Variants in WDR25 observed in about 807,000 individuals in gnomAD.
WDR25 encodes the protein WD repeat-containing protein 25.
A neutral mutation model predicts 47.7 loss-of-function variants in WDR25; 35 were observed. That is an observed-to-expected ratio of 0.73 (90% CI 0.56 to 0.97). The LOEUF (loss-of-function observed/expected upper bound fraction) is 0.97. Ranked by LOEUF, WDR25 falls within the 50% of genes least tolerant of loss-of-function variation. The pLI, the probability that WDR25 is intolerant of heterozygous loss-of-function variation, is 0.00. For missense variants in WDR25, 634 were observed against 704.7 expected (o/e 0.90, Z 1.14); for synonymous variants, 248 against 278.9 (o/e 0.89, Z 1.10).
At chr14:100,527,027 C>A (rs2030203600) in intron 5 of WDR25, among the ~76,000 whole-genome samples, 1 of 26,808 alleles carries the variant, frequency 3.7e-5, no homozygotes, top group South Asian at 1.8e-3. Context: ...TATTGCTGCA[C>A]CACCACCATC....
At chr14:100,520,249 ATAT>A (rs771657470) in intron 4 of WDR25, among the ~76,000 whole-genome samples, 99 of 152,020 alleles carry the variant, frequency 6.5e-4, no homozygotes, top group African/African-American at 1.9e-3. Context: ...GAGACAAAAT[ATAT>A]TATTGTTTAT....
At chr14:100,472,642 G>T (rs1899881411) in intron 3 of WDR25, among the ~76,000 whole-genome samples, 1 of 152,234 alleles carries the variant, frequency 6.6e-6, no homozygotes, top group South Asian at 2.1e-4. Context: ...GGCCCCTGCT[G>T]GTCCCCTCAG....
At chr14:100,426,552 T>G (rs1898174326) in intron 2 of WDR25, among the ~76,000 whole-genome samples, 1 of 152,248 alleles carries the variant, frequency 6.6e-6, no homozygotes, top group South Asian at 2.1e-4. Flanking sequence ...TCAAGTGTTC[T>G]CCGCGTATTT....
chr14:100,479,263 C>T (rs940127406), intron 3 of WDR25, among the ~76,000 whole-genome samples: 3 of 152,140 alleles, frequency 2.0e-5, no homozygotes, highest in African/African-American at 7.2e-5. Flanking sequence ...GGGGACAGCC[C>T]TCTGCCTGTG....
intron 3 of WDR25, among the ~76,000 whole-genome samples, chr14:100,469,387 C>T (rs946543575): frequency 6.6e-6 from 1 of 152,160 alleles, no homozygotes; most frequent in Non-Finnish European, 1.5e-5. Context: ...AGGCTTTGCA[C>T]ACAGCATGTC....
intron 2 of WDR25, among the ~76,000 whole-genome samples, chr14:100,462,954 C>T (rs1407333605): frequency 1.9e-4 from 3 of 15,444 alleles, no homozygotes; most frequent in Non-Finnish European, 2.8e-4. Flanking sequence ...TTCTCTCCCC[C>T]TTCCTCTCCC....
rs73347378 is a variant in WDR25 at position 100,427,298 on chromosome 14, A to T, written c.823-40723A>T. On this transcript the variant is annotated intron_variant, in intron 2 of 6. Transcript: ENST00000402312. ...CATGCCCCCCAGCTGCATTAGATGC[A>T]TCCACCAGTGTGCTCCCACTGCCTC... Among the ~76,000 whole-genome samples, 1,084 of 152,242 alleles carry T rather than the reference A, an allele frequency of 7.1e-3. 19 individuals are homozygous for T. The highest frequency in any genetic ancestry group is 0.025 in the African/African-American group (1,030 of 41,518).
At chr14:100,452,454 G>GTTA (rs1209923993) in intron 2 of WDR25, among the ~76,000 whole-genome samples, 1 of 152,244 alleles carries the variant, frequency 6.6e-6, no homozygotes, top group Non-Finnish European at 1.5e-5. Context: ...AGATGAAGGG[G>GTTA]AGTGATGAGA....
At chr14:100,504,915 A>G (rs1418339488) in intron 4 of WDR25, among the ~76,000 whole-genome samples, 1 of 151,960 alleles carries the variant, frequency 6.6e-6, no homozygotes, top group Non-Finnish European at 1.5e-5. Flanking sequence ...CATTTTAGTT[A>G]TTTTAGTGGG....
At chr14:100,494,451 A>C (rs186804258) in intron 4 of WDR25, among the ~76,000 whole-genome samples, 2 of 152,308 alleles carry the variant, frequency 1.3e-5, no homozygotes, top group African/African-American at 4.8e-5. Context: ...CTTGCTCTTC[A>C]AGCTATGTTT....
In WDR25 at chr14:100,488,281, C is replaced by T. The variant is rs951524800; in HGVS notation, c.1101+4157C>T. On this transcript the variant is annotated intron_variant, in intron 4 of 6. Coordinates refer to ENST00000402312, the MANE Select transcript of WDR25 (RefSeq NM_001161476.3). This position sits in a 1 kb window ranked among gnomAD's most constrained non-coding sequence, Gnocchi z 4.2. The stretch of plus-strand genomic sequence containing the variant: ...TGGCTTCCTGCCGCTGCTGCAGCAT[C>T]CTCTGACCCCTCTTCCTCCCAGCAG... 6.6e-6 allele frequency among the ~76,000 whole-genome samples: 1 copy of T among 152,122 alleles called. No homozygotes were observed. The highest frequency in any genetic ancestry group is 2.4e-5 in the African/African-American group (1 of 41,434).
rs1898299868 is a variant in WDR25 at position 100,430,512 on chromosome 14, G to T, written c.823-37509G>T. On this transcript the variant is annotated intron_variant, in intron 2 of 6. Coordinates refer to ENST00000402312, the MANE Select transcript of WDR25 (RefSeq NM_001161476.3). This position sits in a 1 kb window ranked among gnomAD's most constrained non-coding sequence, Gnocchi z 4.7. ...GTCAGATGGCGCCTGGCACAAAGTAGGTGCTCACTCATTGGGTGTTGGATT... is the reference window on the plus strand; with the variant it reads ...GTCAGATGGCGCCTGGCACAAAGTATGTGCTCACTCATTGGGTGTTGGATT... Among the ~76,000 whole-genome samples, 1 of 152,186 alleles carries T rather than the reference G, an allele frequency of 6.6e-6. No homozygotes were observed. Among genetic ancestry groups the T allele is most frequent in the Non-Finnish European group, 1.5e-5 (1 of 68,030 alleles).
At position 100,425,103 on chromosome 14, in the gene WDR25, C is replaced by T. The variant is rs890517045; in HGVS notation, c.823-42918C>T. Among the ~76,000 whole-genome samples the T allele has an allele frequency of 6.6e-6, 1 of 152,244 alleles. No individual in the cohort carries two copies. Among genetic ancestry groups the T allele is most frequent in the Non-Finnish European group, 1.5e-5 (1 of 68,046 alleles). ...CTCCCCTGCCTCCCCTTCATGCCCC[C>T]AGGCAGCCAGGATTTTTCTAAAAAC... On this transcript the variant is annotated intron_variant, in intron 2 of 6. Transcript: ENST00000402312. This position sits in a 1 kb window ranked among gnomAD's most constrained non-coding sequence, Gnocchi z 4.8.
At chr14:100,460,940 G>A (rs937535112) in intron 2 of WDR25, among the ~76,000 whole-genome samples, 3 of 152,224 alleles carry the variant, frequency 2.0e-5, no homozygotes, top group African/African-American at 4.8e-5. Flanking sequence ...TCCAGGCTGC[G>A]CACAGTGGCT....
intron 5 of WDR25, among the ~76,000 whole-genome samples, chr14:100,528,032 C>T (rs920238397): frequency 6.6e-6 from 1 of 152,126 alleles, no homozygotes; most frequent in Non-Finnish European, 1.5e-5. Flanking sequence ...CTTACCTCCT[C>T]ACTTACTGTG....
intron 3 of WDR25, among the ~76,000 whole-genome samples, chr14:100,483,331 A>G (rs1900268617): frequency 6.6e-6 from 1 of 152,230 alleles, no homozygotes; most frequent in Non-Finnish European, 1.5e-5. Flanking sequence ...GCTTGACAAC[A>G]GTTTATGATG....
At chr14:100,501,430 T>C (rs1235147300) in intron 4 of WDR25, among the ~76,000 whole-genome samples, 1 of 152,138 alleles carries the variant, frequency 6.6e-6, no homozygotes, top group Non-Finnish European at 1.5e-5. Context: ...AGATTGTACC[T>C]TCCCCCCAGC....
chr14:100,434,765 C>T lies in WDR25; in HGVS notation c.823-33256C>T, dbSNP rs73347398. On this transcript the variant is annotated intron_variant, in intron 2 of 6. Transcript: ENST00000402312. ...TTTTCCTCTCTACCCAGCTCCCACC[C>T]TGCCCTGTAGGGAACCAGTCTCATT... is the stretch of plus-strand genomic sequence containing the variant. Among the ~76,000 whole-genome samples, 750 of 152,352 alleles carry T rather than the reference C, an allele frequency of 4.9e-3. 10 individuals carry two copies. Among genetic ancestry groups the T allele is most frequent in the African/African-American group, 0.017 (705 of 41,582 alleles).
At chr14:100,434,064 A>G (rs1223420943) in intron 2 of WDR25, among the ~76,000 whole-genome samples, 2 of 150,768 alleles carry the variant, frequency 1.3e-5, no homozygotes, top group African/African-American at 2.4e-5. Context: ...CGTTTCTACA[A>G]AAAAAAAAGA....
Sources: gnomAD v4.1 joint callset for allele counts (sites outside exome capture counted in the v4.1 genomes callset) on GRCh38, gnomAD v4.1.1 for gene constraint, Gnocchi (gnomAD v3.1) non-coding constraint, MANE v1.5 for transcripts, NCBI Gene and HGNC (gene_info 2026-07-23, HGNC 2026-07-21) for gene names.